Variants in VTI1A observed in about 807,000 individuals in gnomAD.
The protein encoded by VTI1A is vesicle transport through interaction with t-SNAREs 1A.
Under a neutral mutation model 34.9 loss-of-function variants are expected in VTI1A, and 22 were observed. The ratio of observed to expected loss-of-function variants is 0.63; its 90% CI spans 0.45 to 0.90. The LOEUF is 0.90. Among genes scored for constraint, VTI1A ranks in the 40% least tolerant of loss-of-function variants. The pLI is 0.00. For synonymous variants in VTI1A, 87 were observed against 97.3 expected, an observed-to-expected ratio of 0.89 and a Z score of 0.62; for missense variants, 268 against 275.6, an observed-to-expected ratio of 0.97 and a Z score of 0.20.
At chr10:112,533,900 G>A (rs973980289) in intron 4 of VTI1A, among the ~76,000 whole-genome samples, 1 of 152,036 alleles carries the variant, frequency 6.6e-6, no homozygotes, top group South Asian at 2.1e-4. Flanking sequence ...GTTTCTCAAA[G>A]AAGCTAGTAT....
chr10:112,777,832 G>A (rs538639325), intron 7 of VTI1A, among the ~76,000 whole-genome samples: 14 of 152,322 alleles, frequency 9.2e-5, no homozygotes, highest in African/African-American at 2.9e-4. Context: ...GCCGGGCACC[G>A]TGGCTCACGC....
chr10:112,449,921 A>G lies in VTI1A; in HGVS notation c.94+2454A>G, dbSNP rs573586692. ...ATCATAATTCTTTTTTCTTTATGAG[A>G]TGGGGTCTTGCTGTATCGCCCACGT... On this transcript the variant is annotated intron_variant, in intron 1 of 7. Coordinates refer to ENST00000393077, the MANE Select transcript of VTI1A (RefSeq NM_145206.4). 2.0e-5 allele frequency: 3 copies of G among 152,000 alleles called. No homozygotes were observed. In the East Asian group the frequency reaches 5.8e-4, roughly 30 times the overall value. 9.4% of individuals were successfully genotyped at this position (152,000 alleles called of 1,614,324 possible).
At chr10:112,618,524 T>TATATATATATATATAGAGAG (rs748276058) in intron 5 of VTI1A, among the ~76,000 whole-genome samples, 1 of 34,578 alleles carries the variant, frequency 2.9e-5, no homozygotes, top group Non-Finnish European at 4.4e-5. Flanking sequence ...TATATATATA[T>TATATATATATATATAGAGAG]AGAGAGAGAG....
At chr10:112,484,749 G>A (rs1848561351) in intron 3 of VTI1A, among the ~76,000 whole-genome samples, 1 of 151,738 alleles carries the variant, frequency 6.6e-6, no homozygotes, top group African/African-American at 2.4e-5. Flanking sequence ...TTAATTTTAA[G>A]ACCCAAGATT....
At chr10:112,509,981 C>G (rs891102735) in intron 3 of VTI1A, among the ~76,000 whole-genome samples, 4 of 152,148 alleles carry the variant, frequency 2.6e-5, no homozygotes, top group African/African-American at 9.7e-5. Context: ...GCCCTAAGGT[C>G]CCATTATTAT....
At chr10:112,792,490 C>T (rs1347663643) in intron 7 of VTI1A, among the ~76,000 whole-genome samples, 3 of 152,118 alleles carry the variant, frequency 2.0e-5, no homozygotes, top group African/African-American at 7.2e-5. Flanking sequence ...CAAATGAGCT[C>T]TCCAGCCCAA....
intron 7 of VTI1A, among the ~76,000 whole-genome samples, chr10:112,783,019 A>G (rs1173098776): frequency 6.6e-6 from 1 of 151,992 alleles, no homozygotes. Context: ...ACACACCAAA[A>G]AAAGTAGACA....
At chr10:112,713,798 A>G (rs1288274927) in intron 7 of VTI1A, among the ~76,000 whole-genome samples, 2 of 152,238 alleles carry the variant, frequency 1.3e-5, no homozygotes, top group East Asian at 1.9e-4. Flanking sequence ...TGCAAGAAGC[A>G]TATTTACCAG....
At chr10:112,829,893 C>A in the VTI1A span, among the ~76,000 whole-genome samples, 1 of 152,154 alleles carries the variant, frequency 6.6e-6, no homozygotes, top group Non-Finnish European at 1.5e-5. Context: ...GAATGTAGTT[C>A]TTTATTCAGT....
intron 5 of VTI1A, among the ~76,000 whole-genome samples, chr10:112,613,317 A>C (rs1845390541): frequency 6.6e-6 from 1 of 152,166 alleles, no homozygotes; most frequent in Admixed American, 6.5e-5. Flanking sequence ...GTCTTTTCAC[A>C]CTTTGGCTCC....
intron 5 of VTI1A, among the ~76,000 whole-genome samples, chr10:112,600,517 G>A (rs544689752): frequency 1.1e-4 from 16 of 152,206 alleles, no homozygotes; most frequent in Non-Finnish European, 1.9e-4. Context: ...TCCCAGATAC[G>A]CACATGGCTC....
the VTI1A span, among the ~76,000 whole-genome samples, chr10:112,845,984 C>T: frequency 2.6e-5 from 4 of 152,206 alleles, no homozygotes; most frequent in South Asian, 2.1e-4. Flanking sequence ...CACCACGACA[C>T]GCCAGCCTGG....
intron 5 of VTI1A, among the ~76,000 whole-genome samples, chr10:112,650,990 C>A (rs1052360107): frequency 1.3e-5 from 2 of 152,150 alleles, no homozygotes; most frequent in African/African-American, 4.8e-5. Flanking sequence ...TTTTCACAGT[C>A]TTTATTTTAT....
chr10:112,596,601 A>G (rs1242517328), intron 5 of VTI1A, among the ~76,000 whole-genome samples: 2 of 152,194 alleles, frequency 1.3e-5, no homozygotes, highest in Non-Finnish European at 2.9e-5. Context: ...AATATTTTCA[A>G]GATTTTTAAT....
At chr10:112,779,208 T>C (rs1473026461) in intron 7 of VTI1A, among the ~76,000 whole-genome samples, 1 of 152,216 alleles carries the variant, frequency 6.6e-6, no homozygotes, top group Admixed American at 6.5e-5. Context: ...TTCTGCACTC[T>C]TTAAGGGTCA....
intron 7 of VTI1A, among the ~76,000 whole-genome samples, chr10:112,762,509 A>T (rs1254700955): frequency 6.6e-6 from 1 of 152,248 alleles, no homozygotes; most frequent in Admixed American, 6.5e-5. Flanking sequence ...TGAGTTTTCC[A>T]AATCCATCTT....
intron 3 of VTI1A, among the ~76,000 whole-genome samples, chr10:112,469,838 T>A (rs572957249): frequency 4.5e-4 from 69 of 152,320 alleles, no homozygotes; most frequent in African/African-American, 1.6e-3. Context: ...TTTCTGGAGC[T>A]CCTTCTCTTT....
chr10:112,740,247 C>A (rs910060324), intron 7 of VTI1A, among the ~76,000 whole-genome samples: 1 of 152,156 alleles, frequency 6.6e-6, no homozygotes, highest in African/African-American at 2.4e-5. Context: ...AAATACTGGC[C>A]ATGGGAAAAC....
At chr10:112,780,009 A>G (rs1342204486) in intron 7 of VTI1A, among the ~76,000 whole-genome samples, 1 of 150,282 alleles carries the variant, frequency 6.7e-6, no homozygotes, top group African/African-American at 2.4e-5. Context: ...ACTTAGTTGT[A>G]TGGCAGATTA....
Sources: allele counts gnomAD v4.1 joint callset (sites outside exome capture counted in the v4.1 genomes callset), GRCh38; gene constraint gnomAD v4.1.1; transcripts MANE v1.5; gene names NCBI Gene and HGNC (gene_info 2026-07-23, HGNC 2026-07-21).